The following ZNF506 variants were observed in gnomAD, a reference collection of about 807,000 sequenced individuals.
The protein encoded by ZNF506 is zinc finger protein 506.
In ZNF506, 10 loss-of-function variants were observed where a neutral mutation model predicts 11.6. The observed-to-expected ratio is 0.86, with a 90% confidence interval of 0.53 to 1.46. The LOEUF is 1.46. Among genes scored for constraint, ZNF506 ranks in the 40% most tolerant of loss-of-function variants. The pLI is 0.00. For synonymous variants in ZNF506, 156 were observed against 173.3 expected (o/e 0.90, Z 0.78); for missense variants, 425 against 521.2 (o/e 0.82, Z 1.80).
At chr19:19,808,313 C>G (rs1415920726) in intron 1 of ZNF506, among the ~76,000 whole-genome samples, 1 of 149,080 alleles carries the variant, frequency 6.7e-6, no homozygotes, top group Non-Finnish European at 1.5e-5. Flanking sequence ...TTAGTAGAGA[C>G]GGGGTTTCAC....
chr19:19,795,373 A>G lies in ZNF506; in HGVS notation c.514T>C (p.Ser172Pro), dbSNP rs763218932. The G allele has an allele frequency of 2.2e-5, 35 of 1,607,970 alleles. No homozygotes were observed. The highest frequency in any genetic ancestry group is 1.9e-4 in the African/African-American group (14 of 74,574). ...TTCCCATATTCTATACATTTAAAAG[A>G]TTTTTTTCCAGTATCTCTTATCTTA... ...KHKIRDTGKKSFKCIEYGKTF... is the reference protein window; with the variant it reads ...KHKIRDTGKKPFKCIEYGKTF... Residue 172 changes from serine (S) to proline (P), a missense_variant, in exon 4 of 4, where the codon TCT becomes CCT. Coordinates refer to ENST00000540806, the MANE Select transcript of ZNF506 (RefSeq NM_001099269.3).
At position 19,794,737 on chromosome 19, in the gene ZNF506, G is replaced by C; in HGVS notation, c.1150C>G (p.Leu384Val). The stretch of plus-strand genomic sequence containing the variant: ...GTATGAATTATCTTATGTTCAGTTA[G>C]AGTTGAGAATGCAGTAAAGGCTTTG... ...CGKAFTAFST[L>V]TEHKIIHTGE... Residue 384 changes from leucine to valine, a missense_variant, in exon 4 of 4, where the codon CTA (leucine) becomes GTA (valine). By Grantham distance (32) the Leu-to-Val change is conservative (BLOSUM62 1). Around this residue, in one of 3 missense-constraint regions of ZNF506, gnomAD observed 192 missense variants for 215.7 expected, o/e 0.89. Coordinates refer to ENST00000540806, the MANE Select transcript of ZNF506 (RefSeq NM_001099269.3). The C allele has an allele frequency of 1.2e-6, 2 of 1,613,930 alleles. No individual in the cohort carries two copies. Among genetic ancestry groups the C allele is most frequent in the Non-Finnish European group, 1.7e-6 (2 of 1,179,988 alleles).
intron 1 of ZNF506, among the ~76,000 whole-genome samples, chr19:19,814,794 CTA>C: frequency 6.6e-6 from 1 of 152,138 alleles, no homozygotes; most frequent in South Asian, 2.1e-4. Context: ...GGGCTGTACT[CTA>C]TTTATTTCCG....
chr19:19,794,971 T>A lies in ZNF506; in HGVS notation c.916A>T (p.Ile306Phe), dbSNP rs1315293429. The part of the protein sequence containing the change: ...SSSTLTKHEI[I>F]HTGEKPYKCE... ...TTGTAGGGTTTCTCTCCAGTATGAA[T>A]TATCTCATGTTTAGTAAGGGTTGAG... The change falls in exon 4 of 4, where the codon ATT becomes TTT. Residue 306 changes from isoleucine to phenylalanine, a missense_variant. Physicochemically the swap from Ile to Phe is conservative, Grantham distance 21 (BLOSUM62 0). Transcript: ENST00000540806. 2 of 1,613,894 alleles carry A rather than the reference T, an allele frequency of 1.2e-6. No homozygotes were observed. The highest frequency in any genetic ancestry group is 1.7e-6 in the Non-Finnish European group (2 of 1,180,004).
At chr19:19,805,644 A>C (rs952418126) in intron 3 of ZNF506, among the ~76,000 whole-genome samples, 2 of 151,744 alleles carry the variant, frequency 1.3e-5, no homozygotes. Context: ...ACACACATTT[A>C]AGACCTGATG....
intron 3 of ZNF506, among the ~76,000 whole-genome samples, chr19:19,804,683 C>T (rs1291613428): frequency 6.6e-6 from 1 of 152,122 alleles, no homozygotes; most frequent in Admixed American, 6.5e-5. Context: ...GGAACCAACC[C>T]AAATGTCCAT....
chr19:19,819,729 C>A (rs934876119), intron 1 of ZNF506, among the ~76,000 whole-genome samples: 1 of 152,172 alleles, frequency 6.6e-6, no homozygotes, highest in African/African-American at 2.4e-5. Context: ...GGGGATTATT[C>A]TTTGCTTTCT....
intron 3 of ZNF506, among the ~76,000 whole-genome samples, chr19:19,800,202 AAGAC>A (rs1278070337): frequency 5.9e-5 from 9 of 151,898 alleles, no homozygotes; most frequent in Non-Finnish European, 1.2e-4. Context: ...CAGCCACAAA[AAGAC>A]AGAGACTGTA....
chr19:19,821,496 C>T, intron 1 of ZNF506, 105 bp downstream of exon 1: 13 of 1,463,268 alleles, frequency 8.9e-6, no homozygotes, highest in Non-Finnish European at 1.2e-5. Context: ...GTGGAGCTGA[C>T]TGCCGGGAGG....
intron 1 of ZNF506, among the ~76,000 whole-genome samples, chr19:19,818,465 T>A (rs772099164): frequency 1.3e-5 from 2 of 152,230 alleles, no homozygotes; most frequent in Non-Finnish European, 2.9e-5. Context: ...AGATTTTCTC[T>A]ACTTTTTTCC....
intron 3 of ZNF506, chr19:19,798,265 CT>C (rs1462640481): frequency 6.6e-6 from 1 of 152,054 alleles, no homozygotes; most frequent in Non-Finnish European, 1.5e-5. Context: ...TGAGGAATTT[CT>C]GTATGCAACT....
Position 19,795,428 on chromosome 19 carries a change from G to T in ZNF506, c.459C>A (p.Phe153Leu). 1 of 1,595,186 alleles carries T rather than the reference G, an allele frequency of 6.3e-7. No homozygotes were observed. Among genetic ancestry groups the T allele is most frequent in the Non-Finnish European group, 8.5e-7 (1 of 1,173,472 alleles). ...KIFQCDEYVK[F>L]LHKFSNSNKH... ...TGTTTGAATTTGAAAATTTATGCAAGAATTTCACATATTCATCACATTGAA... is the reference window on the plus strand; with the variant it reads ...TGTTTGAATTTGAAAATTTATGCAATAATTTCACATATTCATCACATTGAA... Residue 153 changes from phenylalanine (F) to leucine (L), a missense_variant, in exon 4 of 4, where the codon TTC becomes TTA. Around this residue, in one of 3 missense-constraint regions of ZNF506, gnomAD observed 226 missense variants for 279.1 expected, o/e 0.81. Transcript: ENST00000540806.
chr19:19,804,166 A>C (rs2062816746), intron 3 of ZNF506, among the ~76,000 whole-genome samples: 2 of 152,208 alleles, frequency 1.3e-5, no homozygotes, highest in Admixed American at 6.5e-5. Flanking sequence ...GAATGGGAGA[A>C]AATTTTTGCA....
At chr19:19,817,435 T>G (rs201646291) in intron 1 of ZNF506, among the ~76,000 whole-genome samples, 1 of 142,614 alleles carries the variant, frequency 7.0e-6, no homozygotes, top group Admixed American at 6.9e-5. Flanking sequence ...GTAAATCTGA[T>G]TTTTTTTTTT....
At chr19:19,808,801 CTACTA>C (rs1279845205) in intron 1 of ZNF506, among the ~76,000 whole-genome samples, 1 of 137,914 alleles carries the variant, frequency 7.3e-6, no homozygotes, top group East Asian at 2.2e-4. Flanking sequence ...CAAGATCGCG[CTACTA>C]TACCCCTGGC....
intron 3 of ZNF506, chr19:19,798,630 G>A (rs374157889): frequency 6.3e-5 from 9 of 141,782 alleles, no homozygotes; most frequent in East Asian, 6.1e-4. Flanking sequence ...ACTCCAGCCT[G>A]GGCGACAGAG....
rs187633565 is a variant in ZNF506 at position 19,810,695 on chromosome 19, T to G, written c.4-3627A>C. 5.3e-3 allele frequency among the ~76,000 whole-genome samples: 813 copies of G among 152,338 alleles called. 8 individuals are homozygous for G. Among genetic ancestry groups the G allele is most frequent in the African/African-American group, 0.018 (728 of 41,590 alleles). On this transcript the variant is annotated intron_variant, in intron 1 of 3. Coordinates refer to ENST00000540806, the MANE Select transcript of ZNF506 (RefSeq NM_001099269.3). The stretch of plus-strand genomic sequence containing the variant: ...TGACTTATGGAGCAACTACTGGATC[T>G]GCAGGAATAGAAAACAAGTTGCTAA...
rs575444128 is a variant in ZNF506 at position 19,808,936 on chromosome 19, TA to T, written c.4-1869del. 3.1e-4 allele frequency among the ~76,000 whole-genome samples: 47 copies of T among 152,150 alleles called. No individual in the cohort carries two copies. The East Asian group carries it at 3.9e-3, about 13-fold the overall frequency. On this transcript the variant is annotated intron_variant, in intron 1 of 3. Coordinates refer to ENST00000540806, the MANE Select transcript of ZNF506 (RefSeq NM_001099269.3). ...TGTAATTTTTAGTAGTAATTTTAAG[TA>T]GGCTTCACTTAGCTCCCTAGAGAGC...
intron 1 of ZNF506, among the ~76,000 whole-genome samples, chr19:19,821,292 C>G (rs550579572): frequency 1.5e-4 from 23 of 152,318 alleles, no homozygotes; most frequent in African/African-American, 4.8e-4. Flanking sequence ...CAGGATTCTC[C>G]CCTGACGACC....
Sources: gnomAD v4.1 joint callset for allele counts (sites outside exome capture counted in the v4.1 genomes callset) on GRCh38, gnomAD v4.1.1 for gene constraint, gnomAD v4.1.1 regional missense constraint, MANE v1.5 for transcripts, NCBI Gene and HGNC (gene_info 2026-07-23, HGNC 2026-07-21) for gene names.